Variants in UTRN observed in about 807,000 individuals in gnomAD.
UTRN encodes the protein dystrophin-related protein 1.
In UTRN, 283 loss-of-function variants were observed where a neutral mutation model predicts 463.9. That is an observed-to-expected ratio of 0.61 (90% CI 0.55 to 0.67). UTRN has a LOEUF of 0.67. Ranked by LOEUF, UTRN falls within the 30% of genes least tolerant of loss-of-function variation. The pLI is 0.00. For missense variants in UTRN, 3,922 were observed against 4,084.3 expected (o/e 0.96, Z 1.08); for synonymous variants, 1,442 against 1,431.5 (o/e 1.01, Z -0.17).
intron 51 of UTRN, among the ~76,000 whole-genome samples, chr6:144,657,448 A>G (rs1466004104): frequency 6.6e-6 from 1 of 152,148 alleles, no homozygotes; most frequent in East Asian, 1.9e-4. Flanking sequence ...CGAATTCCAC[A>G]GGAGAACATA....
At chr6:144,337,695 A>G (rs1226953559) in intron 2 of UTRN, among the ~76,000 whole-genome samples, 2 of 151,988 alleles carry the variant, frequency 1.3e-5, no homozygotes, top group African/African-American at 4.8e-5. Context: ...GCCCACTGCA[A>G]CCTCTGCCTC....
chr6:144,335,671 T>C (rs1396479714), intron 2 of UTRN, among the ~76,000 whole-genome samples: 1 of 152,234 alleles, frequency 6.6e-6, no homozygotes, highest in Non-Finnish European at 1.5e-5. Context: ...TCAAATGCTC[T>C]TTCCAGGAAC....
At chr6:144,621,474 C>T in intron 51 of UTRN, among the ~76,000 whole-genome samples, 1 of 152,100 alleles carries the variant, frequency 6.6e-6, no homozygotes, top group East Asian at 1.9e-4. Flanking sequence ...GTCTCTCATC[C>T]CTTTCAGACA....
chr6:144,494,915 C>T (rs9496984), intron 33 of UTRN, among the ~76,000 whole-genome samples: 1 of 151,776 alleles, frequency 6.6e-6, no homozygotes, highest in Admixed American at 6.6e-5. Context: ...TAGCTAGATA[C>T]AGAGTGTGGA....
chr6:144,571,559 T>A (rs949016990), intron 50 of UTRN, among the ~76,000 whole-genome samples: 2 of 152,202 alleles, frequency 1.3e-5, no homozygotes, highest in Non-Finnish European at 2.9e-5. Context: ...TATCCTATTT[T>A]GGTAAATACA....
chr6:144,794,865 CTCTT>C (rs565924081), intron 63 of UTRN, among the ~76,000 whole-genome samples: 1 of 152,144 alleles, frequency 6.6e-6, no homozygotes, highest in African/African-American at 2.4e-5. Context: ...TCTCTTGGGC[CTCTT>C]TTTTTGTTTG....
chr6:144,409,886 T>C (rs1783732417), intron 3 of UTRN, among the ~76,000 whole-genome samples: 1 of 152,212 alleles, frequency 6.6e-6, no homozygotes, highest in African/African-American at 2.4e-5. Context: ...TGTGCATGTA[T>C]GGTTAAGTGC....
At chr6:144,500,601 A>G (rs940135662) in intron 34 of UTRN, among the ~76,000 whole-genome samples, 4 of 152,220 alleles carry the variant, frequency 2.6e-5, no homozygotes, top group Admixed American at 6.5e-5. Flanking sequence ...AATGACACAT[A>G]TTTACAGAGT....
intron 54 of UTRN, among the ~76,000 whole-genome samples, chr6:144,741,369 T>C (rs1790053599): frequency 6.6e-6 from 1 of 152,156 alleles, no homozygotes; most frequent in Admixed American, 6.6e-5. Flanking sequence ...CTCCTGTCCT[T>C]TGATTCTTGA....
intron 50 of UTRN, among the ~76,000 whole-genome samples, chr6:144,564,732 G>A (rs979173195): frequency 6.6e-5 from 10 of 152,034 alleles, no homozygotes; most frequent in Admixed American, 5.9e-4. Flanking sequence ...TCATTATCAC[G>A]AGAACAACAT....
At chr6:144,559,370 A>T (rs975889519) in intron 50 of UTRN, among the ~76,000 whole-genome samples, 2 of 152,114 alleles carry the variant, frequency 1.3e-5, no homozygotes, top group African/African-American at 4.8e-5. Context: ...GTTATCTATA[A>T]AACAGGGAAA....
intron 58 of UTRN, among the ~76,000 whole-genome samples, chr6:144,763,435 G>A (rs1586445363): frequency 1.3e-5 from 2 of 152,224 alleles, no homozygotes; most frequent in East Asian, 3.9e-4. Flanking sequence ...TAATCCTTCA[G>A]TAACTGAAAG....
chr6:144,690,227 C>A (rs75734428), intron 52 of UTRN, among the ~76,000 whole-genome samples: 6 of 150,254 alleles, frequency 4.0e-5, no homozygotes, highest in South Asian at 2.1e-4. Context: ...AGCAGCAGCC[C>A]TAGTGGGATT....
chr6:144,442,187 A>G (rs1787248964), intron 13 of UTRN, among the ~76,000 whole-genome samples: 1 of 152,160 alleles, frequency 6.6e-6, no homozygotes, highest in South Asian at 2.1e-4. Flanking sequence ...TTTCTTTTCT[A>G]TTGCATTGTC....
Position 144,748,229 on chromosome 6 carries a change from C to CT in UTRN, c.7940-9dup. On this transcript the variant is annotated splice_polypyrimidine_tract_variant and intron_variant, in intron 54 of 74. Coordinates refer to ENST00000367545, the MANE Select transcript of UTRN (RefSeq NM_007124.3). ...ATCAGACATCCAAATTATTCTTTTT[C>CT]TTTTTTTTAATCACAGAATTAACTC... 14 of 1,583,342 alleles carry CT rather than the reference C, an allele frequency of 8.8e-6. No homozygotes were observed. Among genetic ancestry groups the CT allele is most frequent in the East Asian group, 2.2e-5 (1 of 44,472 alleles).
At chr6:144,784,344 T>A (rs184288632) in intron 61 of UTRN, among the ~76,000 whole-genome samples, 5 of 152,152 alleles carry the variant, frequency 3.3e-5, no homozygotes, top group African/African-American at 4.8e-5. Context: ...GAGTGTGAGA[T>A]GAAGGTGTCG....
chr6:144,847,310 T>G (rs1274829794), intron 74 of UTRN, among the ~76,000 whole-genome samples: 2 of 152,202 alleles, frequency 1.3e-5, no homozygotes, highest in Non-Finnish European at 2.9e-5. Flanking sequence ...AAAAAGTGTA[T>G]GAGACAGGTT....
chr6:144,451,603 G>T, intron 18 of UTRN, 110 bp downstream of exon 18: 4 of 1,302,596 alleles, frequency 3.1e-6, no homozygotes, highest in Non-Finnish European at 4.1e-6. Context: ...TAAAATAAAT[G>T]TAGGCAGAAG....
At chr6:144,770,292 A>G (rs1195290576) in intron 58 of UTRN, among the ~76,000 whole-genome samples, 3 of 152,178 alleles carry the variant, frequency 2.0e-5, no homozygotes, top group African/African-American at 7.2e-5. Flanking sequence ...AAAGGTAAGT[A>G]TGAGTTATTT....
Sources: allele counts gnomAD v4.1 joint callset (sites outside exome capture counted in the v4.1 genomes callset), GRCh38; gene constraint gnomAD v4.1.1; transcripts MANE v1.5; gene names NCBI Gene and HGNC (gene_info 2026-07-23, HGNC 2026-07-21).